The following B3GALT1 variants were observed in gnomAD, a reference collection of about 807,000 sequenced individuals.
B3GALT1 encodes UDP-Gal:betaGlcNAc beta 1,3-galactosyltransferase, polypeptide 1.
B3GALT1 carries 10 observed loss-of-function variants against 23.2 expected under a neutral mutation model. The ratio of observed to expected loss-of-function variants is 0.43; its 90% CI spans 0.27 to 0.73. The LOEUF is 0.73. Among genes scored for constraint, B3GALT1 ranks in the 30% least tolerant of loss-of-function variants. The pLI is 0.21. For synonymous variants in B3GALT1, 156 were observed against 141.5 expected (o/e 1.10, Z -0.73); for missense variants, 299 against 405.4 (o/e 0.74, Z 2.25).
chr2:167,568,404 G>T (rs1684218266), intron 2 of B3GALT1, among the ~76,000 whole-genome samples: 1 of 152,016 alleles, frequency 6.6e-6, no homozygotes, highest in Admixed American at 6.6e-5. Context: ...AGCATTTGAT[G>T]TTGTCAGTGT....
At chr2:167,795,017 A>G (rs1018371703) in intron 3 of B3GALT1, among the ~76,000 whole-genome samples, 1 of 152,168 alleles carries the variant, frequency 6.6e-6, no homozygotes, top group African/African-American at 2.4e-5. Flanking sequence ...CAAACAATTG[A>G]TTCTGAACAA....
intron 1 of B3GALT1, among the ~76,000 whole-genome samples, chr2:167,395,821 A>T (rs1698085490): frequency 6.6e-6 from 1 of 152,168 alleles, no homozygotes; most frequent in African/African-American, 2.4e-5. Context: ...AACTCTTTGT[A>T]ATGGGGATGG....
intron 1 of B3GALT1, among the ~76,000 whole-genome samples, chr2:167,303,656 C>T (rs1004928795): frequency 6.7e-6 from 1 of 149,456 alleles, no homozygotes; most frequent in African/African-American, 2.5e-5. Flanking sequence ...CACACACACA[C>T]ACACACACAC....
At chr2:167,660,272 CTCTT>C (rs1324504913) in intron 3 of B3GALT1, among the ~76,000 whole-genome samples, 2 of 152,024 alleles carry the variant, frequency 1.3e-5, no homozygotes, top group Admixed American at 6.6e-5. Flanking sequence ...CTGTTTTGCC[CTCTT>C]TCTTGCTTGT....
intron 2 of B3GALT1, among the ~76,000 whole-genome samples, chr2:167,563,441 C>T (rs548084876): frequency 1.3e-4 from 16 of 120,526 alleles, no homozygotes; most frequent in African/African-American, 4.1e-4. Context: ...CGGACAGGGG[C>T]GGCTGGCCAG....
chr2:167,536,865 A>G (rs1036919778), intron 2 of B3GALT1, among the ~76,000 whole-genome samples: 82 of 152,260 alleles, frequency 5.4e-4, no homozygotes, highest in African/African-American at 2.0e-3. Context: ...CTAAAGTTGC[A>G]GAAGAAAATT....
rs912094365 is a variant in B3GALT1 at position 167,686,831 on chromosome 2, G to A, written c.-352+39865G>A. Reference sequence around the variant, plus strand: ...GGGTACTGACTATTCTTCACGTAGAGCCACTGCTTTCTCTCTCTGCCGTGC... The same window carrying A: ...GGGTACTGACTATTCTTCACGTAGAACCACTGCTTTCTCTCTCTGCCGTGC... On this transcript the variant is annotated intron_variant, in intron 3 of 4. Transcript: ENST00000392690. Among the ~76,000 whole-genome samples the A allele has an allele frequency of 2.6e-5, 4 of 152,190 alleles. No individual in the cohort carries two copies. In the South Asian group the frequency reaches 8.3e-4, roughly 31 times the overall value.
chr2:167,412,781 T>C (rs1443462149), intron 1 of B3GALT1, among the ~76,000 whole-genome samples: 1 of 152,164 alleles, frequency 6.6e-6, no homozygotes, highest in African/African-American at 2.4e-5. Flanking sequence ...AAATGGCATG[T>C]ATAAGCATAT....
chr2:167,839,537 A>C (rs1254700564), intron 4 of B3GALT1, among the ~76,000 whole-genome samples: 3 of 152,400 alleles, frequency 2.0e-5, no homozygotes, highest in African/African-American at 7.2e-5. Context: ...GAGGATACAA[A>C]CAAATGGAAG....
At chr2:167,356,758 TA>T (rs920038716) in intron 1 of B3GALT1, among the ~76,000 whole-genome samples, 10 of 152,012 alleles carry the variant, frequency 6.6e-5, no homozygotes, top group African/African-American at 1.9e-4. Flanking sequence ...TACATATATG[TA>T]CACACACATA....
intron 2 of B3GALT1, among the ~76,000 whole-genome samples, chr2:167,607,594 A>C (rs1053929588): frequency 2.6e-5 from 4 of 152,220 alleles, no homozygotes; most frequent in African/African-American, 9.6e-5. Flanking sequence ...AAAAGAATTT[A>C]TCTATATGTA....
At chr2:167,406,072 C>T (rs1472438132) in intron 1 of B3GALT1, among the ~76,000 whole-genome samples, 2 of 151,602 alleles carry the variant, frequency 1.3e-5, no homozygotes, top group African/African-American at 4.8e-5. Flanking sequence ...TTAAAGTAAT[C>T]ATTTAAAATG....
intron 3 of B3GALT1, chr2:167,715,062 G>A: frequency 6.2e-7 from 1 of 1,611,978 alleles, no homozygotes; most frequent in Non-Finnish European, 8.5e-7. Context: ...ATAATAATGT[G>A]GTTTCTTTCT....
At chr2:167,804,163 T>C (rs1688698838) in intron 3 of B3GALT1, among the ~76,000 whole-genome samples, 1 of 152,064 alleles carries the variant, frequency 6.6e-6, no homozygotes, top group African/African-American at 2.4e-5. Context: ...CTGATTTTTG[T>C]ATTTTTAGTA....
At chr2:167,474,696 G>A (rs1245267217) in intron 1 of B3GALT1, among the ~76,000 whole-genome samples, 1 of 152,120 alleles carries the variant, frequency 6.6e-6, no homozygotes, top group Non-Finnish European at 1.5e-5. Context: ...TGCATCGCAA[G>A]GTGAAATAGT....
intron 1 of B3GALT1, among the ~76,000 whole-genome samples, chr2:167,384,071 C>T (rs1320189392): frequency 2.0e-5 from 3 of 152,064 alleles, no homozygotes; most frequent in Non-Finnish European, 4.4e-5. Context: ...CAGTAACCAG[C>T]GATTTGAACT....
chr2:167,757,417 A>G (rs538176088), intron 3 of B3GALT1, among the ~76,000 whole-genome samples: 3 of 152,206 alleles, frequency 2.0e-5, no homozygotes, highest in African/African-American at 7.2e-5. Context: ...GCAATGTTCA[A>G]TATTTGGTTA....
At chr2:167,474,384 A>G (rs1340759975) in intron 1 of B3GALT1, among the ~76,000 whole-genome samples, 2 of 152,100 alleles carry the variant, frequency 1.3e-5, no homozygotes, top group South Asian at 2.1e-4. Context: ...TTTACCTTCT[A>G]TCTCTTTCAC....
intron 1 of B3GALT1, among the ~76,000 whole-genome samples, chr2:167,476,846 A>T (rs73022100): frequency 0.011 from 1,605 of 152,314 alleles, 25 homozygotes; most frequent in African/African-American, 0.036. Flanking sequence ...AAAGAAGAAA[A>T]AGAAGAAAGG....
Sources: allele counts gnomAD v4.1 joint callset (sites outside exome capture counted in the v4.1 genomes callset), GRCh38; gene constraint gnomAD v4.1.1; transcripts MANE v1.5; gene names NCBI Gene and HGNC (gene_info 2026-07-23, HGNC 2026-07-21).